DTD1: variants seen among roughly 807,000 people sequenced by gnomAD.
The protein encoded by DTD1 is D-aminoacyl-tRNA deacylase 1, also known as D-tyrosyl-tRNA deacylase 1 homolog.
Under a neutral mutation model 25.6 loss-of-function variants are expected in DTD1, and 13 were observed. That is an observed-to-expected ratio of 0.51 (90% CI 0.33 to 0.81). The LOEUF is 0.81. Ranked by LOEUF, DTD1 falls within the 30% of genes least tolerant of loss-of-function variation. DTD1 has a pLI of 0.02. For missense variants in DTD1, 193 were observed against 266.4 expected (o/e 0.72, Z 1.92); for synonymous variants, 110 against 103.6 (o/e 1.06, Z -0.37).
intron 4 of DTD1, among the ~76,000 whole-genome samples, chr20:18,702,161 T>C (rs778415353): frequency 5.9e-5 from 9 of 152,340 alleles, no homozygotes; most frequent in Admixed American, 1.3e-4. Context: ...GATCCTTTTA[T>C]TGGTCCCTCA....
intron 1 of DTD1, among the ~76,000 whole-genome samples, chr20:18,589,445 G>A (rs1222823095): frequency 6.6e-6 from 1 of 151,932 alleles, no homozygotes; most frequent in Admixed American, 6.6e-5. Flanking sequence ...CACCAAAACC[G>A]TATATTTAAA....
intron 4 of DTD1, chr20:18,674,289 A>T (rs1286422914): frequency 6.6e-6 from 1 of 152,164 alleles, no homozygotes; most frequent in African/African-American, 2.4e-5. Context: ...GCAGGAGAAG[A>T]GGTAGAGAGG....
intron 4 of DTD1, among the ~76,000 whole-genome samples, chr20:18,730,618 G>T (rs924985984): frequency 2.6e-5 from 4 of 152,148 alleles, no homozygotes; most frequent in Admixed American, 6.5e-5. Context: ...TAAATTGATT[G>T]TGAATCTGGA....
chr20:18,601,606 G>T (rs554893689), intron 3 of DTD1, among the ~76,000 whole-genome samples: 4 of 151,924 alleles, frequency 2.6e-5, no homozygotes, highest in African/African-American at 9.7e-5. Context: ...CCTCAAGTGG[G>T]TCCCTGACCC....
At chr20:18,717,258 A>G (rs999382369) in intron 4 of DTD1, among the ~76,000 whole-genome samples, 4 of 152,222 alleles carry the variant, frequency 2.6e-5, no homozygotes, top group Non-Finnish European at 5.9e-5. Context: ...TGAGTTCACC[A>G]TAGTAGTAAC....
chr20:18,715,136 C>A (rs1294178828), intron 4 of DTD1, among the ~76,000 whole-genome samples: 4 of 152,186 alleles, frequency 2.6e-5, no homozygotes, highest in African/African-American at 9.7e-5. Flanking sequence ...GAGTGGGTGT[C>A]ATCCCTGAGT....
intron 4 of DTD1, among the ~76,000 whole-genome samples, chr20:18,703,437 CTCT>C (rs1172975404): frequency 2.6e-5 from 4 of 151,934 alleles, no homozygotes; most frequent in East Asian, 1.9e-4. Flanking sequence ...TGAGGAAGCT[CTCT>C]TCTTCTATTA....
intron 5 of DTD1, among the ~76,000 whole-genome samples, chr20:18,760,767 G>A (rs12480067): frequency 0.24 from 36,465 of 152,092 alleles, 4,794 homozygotes; most frequent in East Asian, 0.35. Flanking sequence ...AAAGCTGTCA[G>A]ACAGGGACAT....
intron 4 of DTD1, among the ~76,000 whole-genome samples, chr20:18,684,397 G>A (rs112918182): frequency 1.3e-5 from 2 of 151,944 alleles, no homozygotes; most frequent in South Asian, 2.1e-4. Flanking sequence ...AGCGATTCTC[G>A]TGCCTCAGCC....
chr20:18,624,502 G>C (rs2060749494), intron 3 of DTD1, among the ~76,000 whole-genome samples: 1 of 152,180 alleles, frequency 6.6e-6, no homozygotes, highest in African/African-American at 2.4e-5. Context: ...CACCTCCCCT[G>C]CTGTTCTTTG....
At chr20:18,726,417 AAC>A (rs1197482757) in intron 4 of DTD1, among the ~76,000 whole-genome samples, 2 of 152,198 alleles carry the variant, frequency 1.3e-5, no homozygotes, top group Non-Finnish European at 2.9e-5. Context: ...CAAGTAATCT[AAC>A]ACAAATTCAG....
At chr20:18,741,671 A>C (rs1462193084) in intron 4 of DTD1, among the ~76,000 whole-genome samples, 1 of 152,088 alleles carries the variant, frequency 6.6e-6, no homozygotes, top group Non-Finnish European at 1.5e-5. Context: ...TAGCCTTCTG[A>C]AGCTAAATTT....
intron 4 of DTD1, among the ~76,000 whole-genome samples, chr20:18,663,464 A>G (rs751631253): frequency 2.6e-5 from 4 of 152,238 alleles, no homozygotes; most frequent in Non-Finnish European, 5.9e-5. Context: ...AATTACAGTC[A>G]CATGCCACAT....
At chr20:18,692,762 C>T (rs762291112) in intron 4 of DTD1, among the ~76,000 whole-genome samples, 1 of 152,168 alleles carries the variant, frequency 6.6e-6, no homozygotes, top group Admixed American at 6.5e-5. Flanking sequence ...CCTGAAAAAT[C>T]TTTCTGCCAA....
chr20:18,629,296 CT>C (rs35174616), intron 4 of DTD1, among the ~76,000 whole-genome samples: 17,902 of 67,950 alleles, frequency 0.26, 1,266 homozygotes, highest in South Asian at 0.34. Flanking sequence ...TGTGCTCGGC[CT>C]TTTTTTTTTT....
chr20:18,710,060 T>A (rs915063327), intron 4 of DTD1, among the ~76,000 whole-genome samples: 5 of 152,184 alleles, frequency 3.3e-5, no homozygotes, highest in African/African-American at 1.2e-4. Flanking sequence ...GGCAGCTTTA[T>A]GATATATTGT....
chr20:18,722,416 G>A (rs894534063), intron 4 of DTD1, among the ~76,000 whole-genome samples: 9 of 132,374 alleles, frequency 6.8e-5, no homozygotes, highest in African/African-American at 2.4e-4. Flanking sequence ...TGCACTTTAA[G>A]TAAAGGAGAC....
chr20:18,726,055 A>G (rs2061221323), intron 4 of DTD1, among the ~76,000 whole-genome samples: 1 of 152,206 alleles, frequency 6.6e-6, no homozygotes, highest in Non-Finnish European at 1.5e-5. Context: ...GTTATAGAAG[A>G]GGGAAGCCAG....
chr20:18,732,908 A>AT (rs1241807117), intron 4 of DTD1, among the ~76,000 whole-genome samples: 1 of 152,176 alleles, frequency 6.6e-6, no homozygotes, highest in African/African-American at 2.4e-5. Context: ...ACGTAAACCA[A>AT]TGTAAGCGTC....
Sources: allele counts gnomAD v4.1 joint callset (sites outside exome capture counted in the v4.1 genomes callset), GRCh38; gene constraint gnomAD v4.1.1; transcripts MANE v1.5; gene names NCBI Gene and HGNC (gene_info 2026-07-23, HGNC 2026-07-21).